Variants in MFF observed in about 807,000 individuals in gnomAD.
MFF encodes the protein mitochondrial fission factor.
MFF carries 12 observed loss-of-function variants against 36.9 expected under a neutral mutation model. The observed-to-expected ratio is 0.33, with a 90% CI of 0.21 to 0.53. The LOEUF is 0.53. MFF is among the 20% of genes least tolerant of loss of function. The probability of loss-of-function intolerance (pLI) is 0.95; values close to 1 mark genes in which losing one functional copy is unlikely to be tolerated. For synonymous variants in MFF, 99 were observed against 126.2 expected, an observed-to-expected ratio of 0.78 and a Z score of 1.44; for missense variants, 348 against 366.6, an observed-to-expected ratio of 0.95 and a Z score of 0.42.
intron 4 of MFF, among the ~76,000 whole-genome samples, chr2:227,338,784 G>A (rs1263973845): frequency 4.0e-5 from 6 of 151,280 alleles, no homozygotes; most frequent in East Asian, 1.9e-4. Flanking sequence ...GAGTCAAGCC[G>A]AGATTGTGCC....
intron 2 of MFF, chr2:227,329,843 A>T: frequency 8.4e-7 from 1 of 1,194,832 alleles, no homozygotes; most frequent in East Asian, 2.4e-5. Flanking sequence ...ATGGCTTTAA[A>T]GCTTACTGCC....
chr2:227,327,184 A>AG (rs2074221101), intron 1 of MFF, among the ~76,000 whole-genome samples: 1 of 152,184 alleles, frequency 6.6e-6, no homozygotes, highest in African/African-American at 2.4e-5. Context: ...TGGGAAAAAA[A>AG]AAACCCATGA....
At chr2:227,335,204 A>G (rs2074904453) in intron 4 of MFF, among the ~76,000 whole-genome samples, 1 of 149,194 alleles carries the variant, frequency 6.7e-6, no homozygotes, top group African/African-American at 2.5e-5. Context: ...GATACATGCC[A>G]CAACATGGAT....
At chr2:227,330,909 C>T in intron 3 of MFF, 63 bp downstream of exon 3, 1 of 1,374,958 alleles carries the variant, frequency 7.3e-7, no homozygotes, top group South Asian at 1.3e-5. Flanking sequence ...TCTATGAAAA[C>T]TTTTGAGTTT....
chr2:227,329,093 A>G (rs946845686), intron 2 of MFF: 3 of 152,510 alleles, frequency 2.0e-5, no homozygotes, highest in African/African-American at 4.8e-5. Context: ...TAATTTATAT[A>G]TAGTGTCTTT....
At chr2:227,325,725 C>T (rs1000254563) in intron 1 of MFF, 1 of 152,266 alleles carries the variant, frequency 6.6e-6, no homozygotes, top group Non-Finnish European at 1.5e-5. Context: ...TTAACCCGGA[C>T]TTTTCCGACT....
chr2:227,353,467 T>G (rs1426393658), intron 7 of MFF, among the ~76,000 whole-genome samples: 1 of 152,122 alleles, frequency 6.6e-6, no homozygotes, highest in East Asian at 1.9e-4. Flanking sequence ...GAATTCATGG[T>G]GGAGGAATTG....
intron 7 of MFF, among the ~76,000 whole-genome samples, chr2:227,354,197 AG>A (rs1173680440): frequency 1.3e-5 from 2 of 152,194 alleles, no homozygotes; most frequent in Middle Eastern, 3.2e-3. Flanking sequence ...CTATTGTTTA[AG>A]GTTTTTTGCA....
At position 227,330,805 on chromosome 2, in the gene MFF, C is replaced by G. The variant is rs2074516138; in HGVS notation, c.140C>G (p.Ala47Gly). 1 of 1,614,192 alleles carries G rather than the reference C, an allele frequency of 6.2e-7. No homozygotes were observed. The change falls in exon 3 of 9, where the codon GCT becomes GGT. Residue 47 changes from alanine (A) to glycine (G), a missense_variant. Physicochemically the swap from Ala to Gly is moderately conservative, Grantham distance 60. Transcript: ENST00000304593. ...EQGFQEGVPN[A>G]SVIMQVPERI... Reference sequence around the variant, plus strand: ...GGATTCCAAGAAGGAGTTCCAAATGCTAGTGTGATAATGCAAGTTCCGGAG... The same window carrying G: ...GGATTCCAAGAAGGAGTTCCAAATGGTAGTGTGATAATGCAAGTTCCGGAG...
At chr2:227,336,428 T>C (rs2075009900) in intron 4 of MFF, among the ~76,000 whole-genome samples, 1 of 152,206 alleles carries the variant, frequency 6.6e-6, no homozygotes. Flanking sequence ...GGAAGAGCAC[T>C]GAACCCCAGA....
intron 5 of MFF, among the ~76,000 whole-genome samples, chr2:227,341,245 G>C (rs1313080929): frequency 6.6e-6 from 1 of 151,636 alleles, no homozygotes; most frequent in Non-Finnish European, 1.5e-5. Context: ...GTACAGAAGG[G>C]GTTTTGTTGG....
At chr2:227,342,852 A>G in intron 5 of MFF, 3 of 1,569,128 alleles carry the variant, frequency 1.9e-6, no homozygotes, top group Non-Finnish European at 2.6e-6. Flanking sequence ...TTTGACAAGT[A>G]GTTGTTTTGA....
rs535988968 is a variant in MFF at position 227,326,785 on chromosome 2, T to G, written c.-153+1358T>G. 1.3e-3 allele frequency among the ~76,000 whole-genome samples: 200 copies of G among 151,646 alleles called. 1 individual carries two copies. Among genetic ancestry groups the G allele is most frequent in the African/African-American group, 4.6e-3 (189 of 41,360 alleles). On this transcript the variant is annotated intron_variant, in intron 1 of 8. Transcript: ENST00000304593. ...CAGTAGGTAATAAACAACTGGAGGG[T>G]TTTTTTTGGTTTGTTTTTGTTTGTT...
intron 1 of MFF, among the ~76,000 whole-genome samples, chr2:227,326,958 T>C (rs2074197505): frequency 6.6e-6 from 1 of 152,192 alleles, no homozygotes; most frequent in Non-Finnish European, 1.5e-5. Flanking sequence ...TGTCCCAAAA[T>C]TGGTACACTT....
chr2:227,328,074 A>G (rs1306866356), intron 1 of MFF, among the ~76,000 whole-genome samples: 3 of 152,198 alleles, frequency 2.0e-5, no homozygotes, highest in Admixed American at 6.5e-5. Context: ...TCGTAAGTGA[A>G]TGAAAATTTA....
intron 3 of MFF, 108 bp from the exon 4 acceptor site, chr2:227,332,311 G>T: frequency 1.2e-6 from 1 of 834,048 alleles, no homozygotes; most frequent in Non-Finnish European, 1.9e-6. Flanking sequence ...TTATTGGGTG[G>T]TATAATTCAA....
At position 227,330,821 on chromosome 2, in the gene MFF, A is replaced by G. The variant is rs138259047; in HGVS notation, c.156A>G (p.Gln52=). The G allele has an allele frequency of 1.2e-6, 2 of 1,614,034 alleles. No homozygotes were observed. The highest frequency in any genetic ancestry group is 1.3e-5 in the African/African-American group (1 of 74,946). ...TTCCAAATGCTAGTGTGATAATGCA[A>G]GTTCCGGAGAGGATTGTTGTAGCAG... is the stretch of plus-strand genomic sequence containing the variant. ...EGVPNASVIM[Q]VPERIVVAGN... is the part of the protein sequence containing the mutation. Residue 52 remains glutamine, a synonymous_variant, in exon 3 of 9, where the codon CAA becomes CAG. Coordinates refer to ENST00000304593, the MANE Select transcript of MFF (RefSeq NM_001277062.2).
Position 227,352,497 on chromosome 2 carries a change from G to T in MFF, c.600-17G>T, listed in dbSNP as rs552639632. The T allele has an allele frequency of 1.9e-6, 3 of 1,611,640 alleles. No individual in the cohort carries two copies. Among genetic ancestry groups the T allele is most frequent in the Non-Finnish European group, 2.5e-6 (3 of 1,178,384 alleles). ...CTGATTCTGTCTTGTGCCTTCTCCCGCAAAAACCTGCCTTAGACCTGTGTT... is the reference window on the plus strand; with the variant it reads ...CTGATTCTGTCTTGTGCCTTCTCCCTCAAAAACCTGCCTTAGACCTGTGTT... On this transcript the variant is annotated splice_polypyrimidine_tract_variant and intron_variant, in intron 6 of 8. Transcript: ENST00000304593.
intron 3 of MFF, among the ~76,000 whole-genome samples, chr2:227,331,959 A>ATTTTTTTTTTTTTTTTTTTT (rs10549336): frequency 1.3e-5 from 1 of 76,842 alleles, no homozygotes; most frequent in African/African-American, 4.6e-5. Flanking sequence ...CGCTGGAAGC[A>ATTTTTTTTTTTTTTTTTTTT]TTTTTTTTTT....
Sources: gnomAD v4.1 joint callset for allele counts (sites outside exome capture counted in the v4.1 genomes callset) on GRCh38, gnomAD v4.1.1 for gene constraint, MANE v1.5 for transcripts, NCBI Gene and HGNC (gene_info 2026-07-23, HGNC 2026-07-21) for gene names.